The following ZCCHC14 variants were observed in gnomAD, a reference collection of about 807,000 sequenced individuals.
ZCCHC14 encodes zinc finger CCHC-type containing 14.
ZCCHC14 carries 16 observed loss-of-function variants against 85.0 expected under a neutral mutation model. The observed-to-expected ratio is 0.19, with a 90% CI of 0.13 to 0.29. The LOEUF (loss-of-function observed/expected upper bound fraction) is 0.29, where lower values mean the gene tolerates loss of function less well. Among genes scored for constraint, ZCCHC14 ranks in the 10% least tolerant of loss-of-function variants. The pLI, the probability that ZCCHC14 is intolerant of heterozygous loss-of-function variation, is 1.00. For missense variants in ZCCHC14, 1,303 were observed against 1,443.5 expected (o/e 0.90, Z 1.58); for synonymous variants, 775 against 630.7 (o/e 1.23, Z -3.43).
intron 1 of ZCCHC14, among the ~76,000 whole-genome samples, chr16:87,465,357 ACTT>A (rs1283575163): frequency 6.6e-6 from 1 of 152,280 alleles, no homozygotes; most frequent in African/African-American, 2.4e-5. Flanking sequence ...AACGGAAAGC[ACTT>A]CTATTTCAAA....
intron 8 of ZCCHC14, among the ~76,000 whole-genome samples, chr16:87,415,628 G>T (rs546431391): frequency 6.6e-6 from 1 of 152,212 alleles, no homozygotes; most frequent in Admixed American, 6.5e-5. Flanking sequence ...AGGCTGTGTG[G>T]ATGGGTGCAC....
chr16:87,411,271 T>G, intron 12 of ZCCHC14: 1 of 1,149,280 alleles, frequency 8.7e-7, no homozygotes. Context: ...AGGGAGGCCC[T>G]GTCCACACTG....
At position 87,420,052 on chromosome 16, in the gene ZCCHC14, A is replaced by G. The variant is rs141312718; in HGVS notation, c.951-175T>C. Among the ~76,000 whole-genome samples, 5 of 152,350 alleles carry G rather than the reference A, an allele frequency of 3.3e-5. No homozygotes were observed. The highest frequency in any genetic ancestry group is 9.6e-5 in the African/African-American group (4 of 41,582). ...TCAACTGAGTTCTTGCCCGACTGCC[A>G]CTGCTTCTTCAAGCCCTTCCTCTCA... is the stretch of plus-strand genomic sequence containing the variant. On this transcript the variant is annotated intron_variant, in intron 5 of 12. Transcript: ENST00000671377. This position sits in a 1 kb window ranked among gnomAD's most constrained non-coding sequence, Gnocchi z 5.0.
intron 5 of ZCCHC14, 50 bp from the exon 6 acceptor site, chr16:87,419,927 G>A: frequency 6.7e-7 from 1 of 1,497,552 alleles, no homozygotes; most frequent in Non-Finnish European, 9.0e-7. Context: ...CATTCCTGCT[G>A]ACGAATTGAA....
intron 1 of ZCCHC14, among the ~76,000 whole-genome samples, chr16:87,484,596 C>A (rs999677349): frequency 1.3e-5 from 2 of 152,176 alleles, no homozygotes; most frequent in Non-Finnish European, 2.9e-5. Context: ...TATATGTGCA[C>A]AAACATGTCT....
intron 1 of ZCCHC14, among the ~76,000 whole-genome samples, chr16:87,462,384 G>C (rs1184601003): frequency 1.3e-5 from 2 of 152,240 alleles, no homozygotes; most frequent in East Asian, 3.9e-4. Flanking sequence ...GAGATTTTTA[G>C]TTCCAAACAG....
intron 1 of ZCCHC14, among the ~76,000 whole-genome samples, chr16:87,484,591 G>A (rs1912430103): frequency 6.6e-6 from 1 of 152,196 alleles, no homozygotes; most frequent in Non-Finnish European, 1.5e-5. Flanking sequence ...GAACATATAT[G>A]TGCACAAACA....
intron 2 of ZCCHC14, among the ~76,000 whole-genome samples, chr16:87,458,736 T>C (rs1364570787): frequency 1.3e-5 from 2 of 152,016 alleles, no homozygotes; most frequent in Non-Finnish European, 2.9e-5. Flanking sequence ...GCGCACAGGG[T>C]GAGCGAGTGC....
chr16:87,421,614 G>A (rs1319229360), intron 4 of ZCCHC14, among the ~76,000 whole-genome samples: 1 of 152,130 alleles, frequency 6.6e-6, no homozygotes, highest in East Asian at 1.9e-4. Context: ...CCCCCGAAAA[G>A]GGGCCGAGAG....
chr16:87,485,590 CAA>C (rs35083614), intron 1 of ZCCHC14, among the ~76,000 whole-genome samples: 30 of 98,620 alleles, frequency 3.0e-4, no homozygotes, highest in Non-Finnish European at 3.1e-4. Flanking sequence ...GGCAGTTTTC[CAA>C]AAAAAAAAAA....
chr16:87,452,882 G>A (rs1007592556), intron 2 of ZCCHC14, among the ~76,000 whole-genome samples: 5 of 152,234 alleles, frequency 3.3e-5, no homozygotes, highest in Admixed American at 6.5e-5. Flanking sequence ...TTCCAGCAGC[G>A]TGGCTGTGAC....
chr16:87,429,501 C>T (rs118104330), intron 3 of ZCCHC14, among the ~76,000 whole-genome samples: 1 of 152,044 alleles, frequency 6.6e-6, no homozygotes, highest in Admixed American at 6.5e-5. Context: ...TAGTAAGAAG[C>T]AGCAACTTGT....
At chr16:87,431,672 G>A (rs187757389) in intron 3 of ZCCHC14, among the ~76,000 whole-genome samples, 261 of 152,246 alleles carry the variant, frequency 1.7e-3, no homozygotes, top group African/African-American at 5.7e-3. Context: ...AGACAGCTCC[G>A]TGCACAGCAC....
chr16:87,416,059 G>A (rs1477363019), intron 8 of ZCCHC14, among the ~76,000 whole-genome samples: 1 of 152,034 alleles, frequency 6.6e-6, no homozygotes, highest in Non-Finnish European at 1.5e-5. Flanking sequence ...CCGAGTAGCT[G>A]GGATTACAGG....
intron 2 of ZCCHC14, among the ~76,000 whole-genome samples, chr16:87,436,957 C>A (rs777808744): frequency 1.3e-5 from 2 of 152,292 alleles, no homozygotes; most frequent in Middle Eastern, 3.4e-3. Flanking sequence ...CTCATTACAA[C>A]CCACTTCCAG....
In ZCCHC14 at chr16:87,418,776, T is replaced by G. The variant is rs1315238524; in HGVS notation, c.1100+71A>C. 15 of 1,465,082 alleles carry G rather than the reference T, an allele frequency of 1.0e-5. No individual in the cohort carries two copies. The East Asian group carries it at 3.3e-4, about 32-fold the overall frequency. The allele number at this position is 1,465,082 out of a possible 1,614,324, so 90.8% of individuals were successfully genotyped here. On this transcript the variant is annotated intron_variant, in intron 7 of 12. Coordinates refer to ENST00000671377, the MANE Select transcript of ZCCHC14 (RefSeq NM_015144.3). ...CATGACTTAATTCTTGGAACAACTT[T>G]ACACAGAACTCAAAGTAAACATTGT...
In ZCCHC14 at chr16:87,491,621, G is replaced by T; in HGVS notation, c.570+48C>A. ...GGCTGGAGGCTTGGAGTGCAGAGTT[G>T]GGGATGCAGACTTGGGGTACAGGGC... On this transcript the variant is annotated intron_variant, in intron 1 of 12. Coordinates refer to ENST00000671377, the MANE Select transcript of ZCCHC14 (RefSeq NM_015144.3). This position sits in a 1 kb window ranked among gnomAD's most constrained non-coding sequence, Gnocchi z 5.9. The T allele has an allele frequency of 7.4e-7, 1 of 1,356,576 alleles. No individual in the cohort carries two copies. The highest frequency in any genetic ancestry group is 1.8e-5 in the South Asian group (1 of 56,388). The allele number at this position is 1,356,576 out of a possible 1,614,324, so 84.0% of individuals were successfully genotyped here.
chr16:87,475,532 G>C (rs1454708020), intron 1 of ZCCHC14, among the ~76,000 whole-genome samples: 1 of 146,098 alleles, frequency 6.8e-6, no homozygotes, highest in Admixed American at 6.9e-5. Flanking sequence ...CAGCCTGGGT[G>C]GCAGAGCAAG....
At chr16:87,417,984 G>A in intron 7 of ZCCHC14, 1 of 519,698 alleles carries the variant, frequency 1.9e-6, no homozygotes, top group South Asian at 3.6e-5. Context: ...ACAGGCGGCT[G>A]TGCATATACA....
Sources: allele counts gnomAD v4.1 joint callset (sites outside exome capture counted in the v4.1 genomes callset), GRCh38; gene constraint gnomAD v4.1.1; non-coding constraint Gnocchi (gnomAD v3.1); transcripts MANE v1.5; gene names NCBI Gene and HGNC (gene_info 2026-07-23, HGNC 2026-07-21).